Variants in RUNX1 observed in about 807,000 individuals in gnomAD.
RUNX1 encodes the protein RUNX family transcription factor 1.
Under a neutral mutation model 42.8 loss-of-function variants are expected in RUNX1, and 19 were observed. The observed-to-expected ratio is 0.44, with a 90% CI of 0.31 to 0.65. The LOEUF (loss-of-function observed/expected upper bound fraction) is 0.65. Among genes scored for constraint, RUNX1 ranks in the 30% least tolerant of loss-of-function variants. The pLI is 0.07. For synonymous variants in RUNX1, 271 were observed against 289.4 expected (o/e 0.94, Z 0.64); for missense variants, 528 against 672.0 (o/e 0.79, Z 2.37).
chr21:34,788,833 G>C lies in RUNX1; in HGVS notation c.*3302C>G, dbSNP rs1222857642. 8.6e-6 allele frequency: 2 copies of C among 233,382 alleles called. No individual in the cohort carries two copies. The highest frequency in any genetic ancestry group is 1.7e-5 in the Non-Finnish European group (2 of 118,030). The allele number at this position is 233,382 out of a possible 1,614,324, so 14.5% of individuals were successfully genotyped here. A position where few individuals can be genotyped will look rare whatever the true frequency, so the allele number is the denominator to read the frequency against. The stretch of plus-strand genomic sequence containing the variant: ...AGATTATTGTCAAACAAATTTTCAT[G>C]TATAAAAGACCCAAACATGTCATTC... On this transcript the variant is annotated 3_prime_UTR_variant, in exon 9 of 9. Transcript: ENST00000675419.
rs540312490 is a variant in RUNX1, at chr21:34,926,342, G to A, written c.59-33379C>T. Among the ~76,000 whole-genome samples the A allele has an allele frequency of 7.4e-5, 11 of 149,634 alleles. No individual in the cohort carries two copies. In the East Asian group the frequency reaches 1.8e-3, roughly 25 times the overall value. On this transcript the variant is annotated intron_variant, in intron 2 of 8. Transcript: ENST00000675419. Reference sequence around the variant, plus strand: ...AATACAAAAATTAGCCCAAGTGGTCGCACATGCCTGTCAGCTACTCAGGAG... The same window carrying A: ...AATACAAAAATTAGCCCAAGTGGTCACACATGCCTGTCAGCTACTCAGGAG...
intron 2 of RUNX1, among the ~76,000 whole-genome samples, chr21:34,904,351 T>C (rs550833759): frequency 1.5e-3 from 231 of 152,272 alleles, no homozygotes; most frequent in Non-Finnish European, 2.7e-3. Context: ...TATGACTTGA[T>C]AGCTAATTTT....
At chr21:34,870,125 A>C (rs889369379) in intron 5 of RUNX1, among the ~76,000 whole-genome samples, 1 of 152,166 alleles carries the variant, frequency 6.6e-6, no homozygotes, top group Non-Finnish European at 1.5e-5. Context: ...TGAAATAAGG[A>C]TAAGGATTGT....
chr21:34,863,904 C>G (rs1406103132), intron 5 of RUNX1, among the ~76,000 whole-genome samples: 1 of 152,144 alleles, frequency 6.6e-6, no homozygotes, highest in Non-Finnish European at 1.5e-5. Flanking sequence ...ATGTGGTTCT[C>G]CCTCACAAAG....
chr21:34,987,569 A>C (rs549896710), intron 2 of RUNX1, among the ~76,000 whole-genome samples: 1 of 152,332 alleles, frequency 6.6e-6, no homozygotes, highest in African/African-American at 2.4e-5. Context: ...CTTTTCACGC[A>C]GGCATGAGAA....
At chr21:34,893,110 T>C (rs2058098791) in intron 2 of RUNX1, 147 bp from the exon 3 acceptor site, 3 of 651,252 alleles carry the variant, frequency 4.6e-6, no homozygotes, top group Non-Finnish European at 5.6e-6. Flanking sequence ...TGACTTGAAA[T>C]AGTAAATCAC....
In RUNX1 at chr21:34,907,091, T is replaced by C. The variant is rs376928929; in HGVS notation, c.59-14128A>G. Among the ~76,000 whole-genome samples the C allele has an allele frequency of 3.2e-4, 49 of 152,186 alleles. No homozygotes were observed. Among genetic ancestry groups the C allele is most frequent in the Non-Finnish European group, 6.3e-4 (43 of 68,030 alleles). ...TGAGGACTTGATCGTGTATTCAAAG[T>C]CAGCCAGGAGGGTCATGTGCCCCCT... is the stretch of plus-strand genomic sequence containing the variant. On this transcript the variant is annotated intron_variant, in intron 2 of 8. Coordinates refer to ENST00000675419, the MANE Select transcript of RUNX1 (RefSeq NM_001754.5). The surrounding 1 kb of genome is among the most constrained non-coding windows in gnomAD (Gnocchi z 5.3).
chr21:35,023,779 G>A (rs768563388), intron 2 of RUNX1, among the ~76,000 whole-genome samples: 2 of 152,176 alleles, frequency 1.3e-5, no homozygotes, highest in Non-Finnish European at 2.9e-5. Flanking sequence ...CGGCTCACAA[G>A]TGGGTACACA....
intron 2 of RUNX1, among the ~76,000 whole-genome samples, chr21:34,920,944 T>A (rs1020910540): frequency 4.6e-5 from 7 of 152,206 alleles, no homozygotes; most frequent in African/African-American, 1.7e-4. Context: ...CTGCAACTTG[T>A]GCCTTCCGGG....
chr21:34,847,294 G>A (rs995016765), intron 6 of RUNX1, among the ~76,000 whole-genome samples: 5 of 151,960 alleles, frequency 3.3e-5, no homozygotes, highest in African/African-American at 1.2e-4. Flanking sequence ...ATATGTGAAT[G>A]GAAAAAGGTA....
chr21:34,843,790 T>G lies in RUNX1; in HGVS notation c.614-9189A>C, dbSNP rs575839665. Among the ~76,000 whole-genome samples, 39 of 152,020 alleles carry G rather than the reference T, an allele frequency of 2.6e-4. No individual in the cohort carries two copies. Among genetic ancestry groups the G allele is most frequent in the African/African-American group, 9.2e-4 (38 of 41,488 alleles). On this transcript the variant is annotated intron_variant, in intron 6 of 8. Transcript: ENST00000675419. This position sits in a 1 kb window ranked among gnomAD's most constrained non-coding sequence, Gnocchi z 4.8. ...CAGTGGAGTTTTTCGCCCACTCACA[T>G]GAGACTCGGGCCTCTCCTAAAAGCA...
intron 2 of RUNX1, among the ~76,000 whole-genome samples, chr21:34,962,683 C>A (rs1172501769): frequency 3.2e-4 from 49 of 152,232 alleles, no homozygotes; most frequent in Admixed American, 3.2e-3. Context: ...GATTTATGCA[C>A]CACGCAAGTT....
chr21:34,797,903 T>C (rs921618546), intron 8 of RUNX1, among the ~76,000 whole-genome samples: 1 of 152,130 alleles, frequency 6.6e-6, no homozygotes, highest in African/African-American at 2.4e-5. Flanking sequence ...GTGAGGGGGA[T>C]GCTATTGGCA....
chr21:34,936,486 C>G (rs1158715139), intron 2 of RUNX1, among the ~76,000 whole-genome samples: 1 of 152,104 alleles, frequency 6.6e-6, no homozygotes, highest in Non-Finnish European at 1.5e-5. Flanking sequence ...CAGATGTTCA[C>G]GAATTTAAAT....
chr21:34,843,179 T>C lies in RUNX1; in HGVS notation c.614-8578A>G, dbSNP rs753544474. On this transcript the variant is annotated intron_variant, in intron 6 of 8. Coordinates refer to ENST00000675419, the MANE Select transcript of RUNX1 (RefSeq NM_001754.5). The surrounding 1 kb of genome is among the most constrained non-coding windows in gnomAD (Gnocchi z 4.8). ...AAACACAGGCATGCATGTAAACACA[T>C]ACAGACACACACATACACAGACACC... Among the ~76,000 whole-genome samples, 2 of 151,354 alleles carry C rather than the reference T, an allele frequency of 1.3e-5. No individual in the cohort carries two copies. The highest frequency in any genetic ancestry group is 1.9e-4 in the East Asian group (1 of 5,154).
At chr21:34,949,195 G>A (rs2058588524) in intron 2 of RUNX1, among the ~76,000 whole-genome samples, 1 of 152,234 alleles carries the variant, frequency 6.6e-6, no homozygotes, top group Non-Finnish European at 1.5e-5. Context: ...TGACCTAAAA[G>A]TGGGGGAAAT....
chr21:34,892,126 C>A (rs958793044), intron 3 of RUNX1, among the ~76,000 whole-genome samples: 1 of 152,150 alleles, frequency 6.6e-6, no homozygotes, highest in Non-Finnish European at 1.5e-5. Flanking sequence ...AGAATTATTT[C>A]TATTTTAAAT....
chr21:34,982,517 T>C (rs1289082384), intron 2 of RUNX1, among the ~76,000 whole-genome samples: 2 of 306 alleles, frequency 6.5e-3, no homozygotes, highest in Non-Finnish European at 0.012. Context: ...AATTTTCTGT[T>C]TATGTTTTAT....
At chr21:34,804,571 A>G (rs2056653121) in intron 7 of RUNX1, among the ~76,000 whole-genome samples, 1 of 152,196 alleles carries the variant, frequency 6.6e-6, no homozygotes, top group African/African-American at 2.4e-5. Flanking sequence ...AAGGCAAGAA[A>G]AAAACACAGT....
Sources: allele counts gnomAD v4.1 joint callset (sites outside exome capture counted in the v4.1 genomes callset), GRCh38; gene constraint gnomAD v4.1.1; non-coding constraint Gnocchi (gnomAD v3.1); transcripts MANE v1.5; gene names NCBI Gene and HGNC (gene_info 2026-07-23, HGNC 2026-07-21).